Variants in PLCZ1 observed in about 807,000 individuals in gnomAD.
The protein encoded by PLCZ1 is 1-phosphatidylinositol 4,5-bisphosphate phosphodiesterase zeta-1.
PLCZ1 carries 64 observed loss-of-function variants against 76.8 expected under a neutral mutation model. The observed-to-expected ratio is 0.83, with a 90% CI of 0.68 to 1.03. The LOEUF (loss-of-function observed/expected upper bound fraction) is 1.03. Among genes scored for constraint, PLCZ1 ranks in the 50% least tolerant of loss-of-function variants. The pLI is 0.00. For missense variants in PLCZ1, 751 were observed against 713.7 expected (o/e 1.05, Z -0.60); for synonymous variants, 248 against 230.8 (o/e 1.07, Z -0.68).
At chr12:18,650,753 T>G in the PLCZ1 span, among the ~76,000 whole-genome samples, 2 of 97,586 alleles carry the variant, frequency 2.0e-5, no homozygotes, top group African/African-American at 4.3e-5. Flanking sequence ...TATATATATA[T>G]ATATATATAT....
chr12:18,693,540 T>G (rs1954469707), intron 12 of PLCZ1: 1 of 1,610,648 alleles, frequency 6.2e-7, no homozygotes, highest in Admixed American at 1.7e-5. Flanking sequence ...GGCTCTGAAC[T>G]TATTCAGAAG....
intron 2 of PLCZ1, chr12:18,736,705 T>C (rs1212465046): frequency 6.2e-6 from 8 of 1,288,392 alleles, no homozygotes; most frequent in Non-Finnish European, 8.1e-6. Context: ...GACCTCTCTG[T>C]TTTAGTTCTC....
At chr12:18,677,263 G>A in the PLCZ1 span, among the ~76,000 whole-genome samples, 1 of 152,096 alleles carries the variant, frequency 6.6e-6, no homozygotes, top group Non-Finnish European at 1.5e-5. Flanking sequence ...ACCAGCATAT[G>A]AATTGAGGAA....
At chr12:18,650,700 G>GTATATATCTA in the PLCZ1 span, among the ~76,000 whole-genome samples, 10 of 43,832 alleles carry the variant, frequency 2.3e-4, no homozygotes, top group Non-Finnish European at 3.8e-4. Context: ...GTGTGTGTGT[G>GTATATATCTA]TGTGTATATA....
At chr12:18,685,952 T>C (rs143268362) in intron 13 of PLCZ1, among the ~76,000 whole-genome samples, 70 of 151,948 alleles carry the variant, frequency 4.6e-4, no homozygotes, top group African/African-American at 1.6e-3. Flanking sequence ...GATACCAAAT[T>C]TGATAGTGAT....
chr12:18,678,402 T>C (rs910579162), downstream of PLCZ1, among the ~76,000 whole-genome samples: 2 of 152,062 alleles, frequency 1.3e-5, no homozygotes, highest in African/African-American at 4.8e-5. Context: ...AGTATACAAT[T>C]TGATTCGTTT....
the PLCZ1 span, chr12:18,648,184 A>T: frequency 1.3e-5 from 5 of 385,568 alleles, no homozygotes; most frequent in African/African-American, 8.3e-5. Flanking sequence ...TGTGTTGTTT[A>T]TTTTCTACCT....
chr12:18,650,720 A>ATATC, the PLCZ1 span, among the ~76,000 whole-genome samples: 1 of 10,588 alleles, frequency 9.4e-5, no homozygotes, highest in African/African-American at 4.4e-4. Flanking sequence ...ATCTATATAT[A>ATATC]TATATATATA....
At chr12:18,714,758 G>A (rs1957748755) in intron 5 of PLCZ1, 1 of 152,128 alleles carries the variant, frequency 6.6e-6, no homozygotes, top group Non-Finnish European at 1.5e-5. Flanking sequence ...CTGGAGATAG[G>A]GAGAGGTTTG....
At chr12:18,664,213 G>T in the PLCZ1 span, among the ~76,000 whole-genome samples, 1 of 152,166 alleles carries the variant, frequency 6.6e-6, no homozygotes, top group Non-Finnish European at 1.5e-5. Flanking sequence ...ACACAGTTTG[G>T]TGGTTCCTCA....
chr12:18,684,934 C>T (rs1366484149), intron 13 of PLCZ1, among the ~76,000 whole-genome samples: 1 of 151,934 alleles, frequency 6.6e-6, no homozygotes, highest in Non-Finnish European at 1.5e-5. Flanking sequence ...TAGCAATCTC[C>T]TGCTGCCACA....
chr12:18,664,905 G>A, the PLCZ1 span, among the ~76,000 whole-genome samples: 9 of 149,778 alleles, frequency 6.0e-5, no homozygotes, highest in African/African-American at 2.2e-4. Flanking sequence ...ACTATCACAA[G>A]GACAAAAAAC....
At chr12:18,694,173 G>C (rs1954590390) in intron 12 of PLCZ1, 1 of 677,978 alleles carries the variant, frequency 1.5e-6, no homozygotes, top group African/African-American at 1.8e-5. Context: ...TGGGGGAGTT[G>C]CCCAGAGGAA....
At chr12:18,653,809 T>C in the PLCZ1 span, among the ~76,000 whole-genome samples, 1 of 152,066 alleles carries the variant, frequency 6.6e-6, no homozygotes, top group African/African-American at 2.4e-5. Context: ...ACATTTAAAA[T>C]AAAATATAGG....
chr12:18,684,299 G>T lies in PLCZ1; in HGVS notation c.1592-20C>A. On this transcript the variant is annotated intron_variant, in intron 13 of 14. Coordinates refer to ENST00000266505, the MANE Select transcript of PLCZ1 (RefSeq NM_033123.4). ...TAAAAGCTGAAATATAAAAAAAGAA[G>T]ATACAAAGAATAATAGATACCATAT... The T allele has an allele frequency of 6.3e-7, 1 of 1,585,884 alleles. No homozygotes were observed.
intron 4 of PLCZ1, among the ~76,000 whole-genome samples, chr12:18,722,991 T>C (rs1296623894): frequency 1.3e-5 from 2 of 151,972 alleles, no homozygotes; most frequent in Non-Finnish European, 2.9e-5. Context: ...AGATACTTTC[T>C]TCTAATAGGG....
At chr12:18,646,734 A>G in the PLCZ1 span, among the ~76,000 whole-genome samples, 2 of 152,128 alleles carry the variant, frequency 1.3e-5, no homozygotes, top group Admixed American at 1.3e-4. Flanking sequence ...AATGTGTTCT[A>G]AGACATTTCC....
chr12:18,699,998 A>G (rs779603079), intron 9 of PLCZ1, 48 bp from the exon 10 acceptor site: 23 of 1,535,272 alleles, frequency 1.5e-5, no homozygotes, highest in Non-Finnish European at 1.9e-5. Flanking sequence ...AATCATTGGG[A>G]AAAAAAATTT....
chr12:18,694,403 G>A (rs1954629635), intron 12 of PLCZ1, among the ~76,000 whole-genome samples: 1 of 152,122 alleles, frequency 6.6e-6, no homozygotes, highest in African/African-American at 2.4e-5. Context: ...ACTGAAGACA[G>A]ATACTGGAGA....
Sources: gnomAD v4.1 joint callset for allele counts (sites outside exome capture counted in the v4.1 genomes callset) on GRCh38, gnomAD v4.1.1 for gene constraint, MANE v1.5 for transcripts, NCBI Gene and HGNC (gene_info 2026-07-23, HGNC 2026-07-21) for gene names.